The following NT5C2 variants were observed in gnomAD, a reference collection of about 807,000 sequenced individuals.
NT5C2 encodes the protein 5'-nucleotidase, cytosolic II.
Under a neutral mutation model 76.1 loss-of-function variants are expected in NT5C2, and 58 were observed. That is an observed-to-expected ratio of 0.76 (90% confidence interval 0.62 to 0.95). The LOEUF (loss-of-function observed/expected upper bound fraction) is 0.95, where lower values mean the gene tolerates loss of function less well. NT5C2 is among the 40% of genes least tolerant of loss of function. NT5C2 has a pLI of 0.00. For synonymous variants in NT5C2, 229 were observed against 237.4 expected (o/e 0.96, Z 0.32); for missense variants, 478 against 690.3 (o/e 0.69, Z 3.45).
chr10:103,089,403 G>C lies in NT5C2; in HGVS notation c.*269C>G, dbSNP rs939017465. 2 of 347,270 alleles carry C rather than the reference G, an allele frequency of 5.8e-6. No homozygotes were observed. The highest frequency in any genetic ancestry group is 9.1e-5 in the East Asian group (2 of 22,078). The allele number at this position is 347,270 out of a possible 1,614,324, so 21.5% of individuals were successfully genotyped here. A position where few individuals can be genotyped will look rare whatever the true frequency, so the allele number is the denominator to read the frequency against. On this transcript the variant is annotated 3_prime_UTR_variant, in exon 19 of 19. Transcript: ENST00000404739. Reference sequence around the variant, plus strand: ...GATTTTAAAAGTGTCACAAGCCACAGTGGAGCCATATACATGCAGTTCAGC... The same window carrying C: ...GATTTTAAAAGTGTCACAAGCCACACTGGAGCCATATACATGCAGTTCAGC...
At chr10:103,157,610 A>C (rs2083709053) in intron 3 of NT5C2, among the ~76,000 whole-genome samples, 1 of 152,238 alleles carries the variant, frequency 6.6e-6, no homozygotes, top group South Asian at 2.1e-4. Flanking sequence ...ACATCTTTAG[A>C]ATATGCCACT....
chr10:103,157,363 T>C (rs530958928), intron 3 of NT5C2, among the ~76,000 whole-genome samples: 29 of 152,150 alleles, frequency 1.9e-4, no homozygotes, highest in Non-Finnish European at 3.7e-4. Context: ...TTGTTTGTTA[T>C]GGTATGAGTT....
intron 4 of NT5C2, among the ~76,000 whole-genome samples, chr10:103,136,635 T>C (rs1274883433): frequency 6.6e-6 from 1 of 151,892 alleles, no homozygotes; most frequent in Non-Finnish European, 1.5e-5. Context: ...TATTTTTTTT[T>C]TTTTTTTGAG....
At chr10:103,113,811 G>T (rs1031413309) in intron 4 of NT5C2, among the ~76,000 whole-genome samples, 3 of 152,134 alleles carry the variant, frequency 2.0e-5, no homozygotes, top group African/African-American at 7.2e-5. Context: ...ACCTATGCAT[G>T]ATTTATGTCT....
chr10:103,131,863 A>G (rs566267200), intron 4 of NT5C2, among the ~76,000 whole-genome samples: 1 of 152,294 alleles, frequency 6.6e-6, no homozygotes, highest in Non-Finnish European at 1.5e-5. Context: ...TTAAGGCTGC[A>G]ATGAACCATG....
chr10:103,127,022 CTGG>C (rs2076794274), intron 4 of NT5C2, among the ~76,000 whole-genome samples: 1 of 152,158 alleles, frequency 6.6e-6, no homozygotes, highest in African/African-American at 2.4e-5. Context: ...GTTCCCCAGG[CTGG>C]TCTCAAACTC....
At chr10:103,102,303 T>C (rs926389455) in intron 6 of NT5C2, among the ~76,000 whole-genome samples, 4 of 152,148 alleles carry the variant, frequency 2.6e-5, no homozygotes, top group African/African-American at 9.7e-5. Context: ...CTTGGAACCA[T>C]GGACTACTAT....
At chr10:103,136,755 G>T (rs2079356381) in intron 4 of NT5C2, among the ~76,000 whole-genome samples, 2 of 151,810 alleles carry the variant, frequency 1.3e-5, no homozygotes, top group Admixed American at 6.6e-5. Flanking sequence ...CTCCTGACCA[G>T]CTGAGACTAC....
Position 103,150,075 on chromosome 10 carries a change from C to A in NT5C2, c.102-10596G>T, listed in dbSNP as rs533736470. ...TCCTCCACCAACTTTACTAAGGTAT[C>A]ATTTACTTAAAATAACATTCACCCC... On this transcript the variant is annotated intron_variant, in intron 3 of 18. Coordinates refer to ENST00000404739, the MANE Select transcript of NT5C2 (RefSeq NM_001351169.2). Among the ~76,000 whole-genome samples, 37 of 152,258 alleles carry A rather than the reference C, an allele frequency of 2.4e-4. 1 individual carries two copies. The South Asian group carries it at 4.1e-3, about 17-fold the overall frequency.
chr10:103,181,718 G>C (rs2091106708), intron 1 of NT5C2, among the ~76,000 whole-genome samples: 2 of 152,142 alleles, frequency 1.3e-5, no homozygotes, highest in Non-Finnish European at 2.9e-5. Flanking sequence ...AAAAATAGCA[G>C]TAAAGGCCTG....
intron 9 of NT5C2, among the ~76,000 whole-genome samples, chr10:103,099,593 C>T (rs992016030): frequency 4.6e-5 from 7 of 151,830 alleles, no homozygotes; most frequent in South Asian, 4.2e-4. Context: ...TGTTATTAGT[C>T]GGGTGGGAGG....
At chr10:103,090,543 C>G in intron 18 of NT5C2, 68 bp downstream of exon 18, 13 of 1,398,368 alleles carry the variant, frequency 9.3e-6, no homozygotes, top group Non-Finnish European at 1.3e-5. Context: ...CCTGTGCCAT[C>G]TCACAAAGGT....
rs1266196283 is a variant in NT5C2, at chr10:103,088,327, A to AACAT, written c.*1341_*1344dup. 4 of 152,380 alleles carry AACAT rather than the reference A, an allele frequency of 2.6e-5. No homozygotes were observed. The highest frequency in any genetic ancestry group is 9.6e-5 in the African/African-American group (4 of 41,596). The allele number at this position is 152,380 out of a possible 1,614,324, so 9.4% of individuals were successfully genotyped here. A position where few individuals can be genotyped will look rare whatever the true frequency, so the allele number is the denominator to read the frequency against. On this transcript the variant is annotated 3_prime_UTR_variant, in exon 19 of 19. Coordinates refer to ENST00000404739, the MANE Select transcript of NT5C2 (RefSeq NM_001351169.2). ...ACTGGTGAAACAGTTTTAATACCCT[A>AACAT]ACATACACAGTAATGATTCATTCTT...
rs1417076523 is a variant in NT5C2, at chr10:103,139,416, A to G, written c.165T>C (p.Tyr55=). Residue 55 remains tyrosine (Y), a synonymous_variant, in exon 4 of 19, where the codon TAT becomes TAC. Coordinates refer to ENST00000404739, the MANE Select transcript of NT5C2 (RefSeq NM_001351169.2). ...KIKCFGFDMD[Y]TLAVYKSPEY... is the part of the protein sequence containing the mutation. ...GAAATTGCTACTCACCAGCAAGGGT[A>G]TAATCCATATCAAAACCAAAACACT... 1 of 1,579,956 alleles carries G rather than the reference A, an allele frequency of 6.3e-7. No homozygotes were observed. Among genetic ancestry groups the G allele is most frequent in the Non-Finnish European group, 8.6e-7 (1 of 1,159,314 alleles).
chr10:103,111,867 C>CT, intron 4 of NT5C2: 5 of 1,059,214 alleles, frequency 4.7e-6, no homozygotes, highest in Non-Finnish European at 6.0e-6. Flanking sequence ...GGTTTTAAAA[C>CT]TGTTGTGATG....
chr10:103,121,773 TG>T (rs1372524011), intron 4 of NT5C2, among the ~76,000 whole-genome samples: 1 of 152,194 alleles, frequency 6.6e-6, no homozygotes, highest in Non-Finnish European at 1.5e-5. Context: ...GCTAATGATA[TG>T]GCCTAGAAAG....
At chr10:103,179,390 G>A (rs1235823223) in intron 2 of NT5C2, among the ~76,000 whole-genome samples, 1 of 152,122 alleles carries the variant, frequency 6.6e-6, no homozygotes, top group Non-Finnish European at 1.5e-5. Flanking sequence ...GGAAAACCAT[G>A]GAAGGCCTCT....
At position 103,097,298 on chromosome 10, in the gene NT5C2, T is replaced by C; in HGVS notation, c.764A>G (p.Tyr255Cys). The C allele has an allele frequency of 6.2e-7, 1 of 1,611,348 alleles. No individual in the cohort carries two copies. The highest frequency in any genetic ancestry group is 8.5e-7 in the Non-Finnish European group (1 of 1,177,848). Residue 255 changes from tyrosine (Y) to cysteine (C), a missense_variant, in exon 11 of 19, where the codon TAT becomes TGT. Physicochemically the swap from Tyr to Cys is radical, Grantham distance 194 (BLOSUM62 -2). Coordinates refer to ENST00000404739, the MANE Select transcript of NT5C2 (RefSeq NM_001351169.2). Reference sequence around the variant, plus strand: ...TACACATGAAGCACTTACATCTGTATATTTATAGTCACTGTTGGTAGCAAG... The same window carrying C: ...TACACATGAAGCACTTACATCTGTACATTTATAGTCACTGTTGGTAGCAAG... ...VFLATNSDYKYTDKIMTYLFD... is the reference protein window; with the variant it reads ...VFLATNSDYKCTDKIMTYLFD...
At chr10:103,098,727 G>C (rs1477403439) in intron 10 of NT5C2, 1 of 509,106 alleles carries the variant, frequency 2.0e-6, no homozygotes, top group Non-Finnish European at 3.5e-6. Flanking sequence ...ATGAAATACT[G>C]AGTCTTCTTG....
Sources: gnomAD v4.1 joint callset for allele counts (sites outside exome capture counted in the v4.1 genomes callset) on GRCh38, gnomAD v4.1.1 for gene constraint, MANE v1.5 for transcripts, NCBI Gene and HGNC (gene_info 2026-07-23, HGNC 2026-07-21) for gene names.